The following SULT1B1 variants were observed in gnomAD, a reference collection of about 807,000 sequenced individuals.
The protein encoded by SULT1B1 is sulfotransferase family 1B member 1.
Under a neutral mutation model 34.6 loss-of-function variants are expected in SULT1B1, and 28 were observed. The observed-to-expected ratio is 0.81, with a 90% CI of 0.60 to 1.11. The LOEUF is 1.11. Among genes scored for constraint, SULT1B1 ranks in the 50% least tolerant of loss-of-function variants. The pLI is 0.00. For missense variants in SULT1B1, 374 were observed against 352.2 expected (o/e 1.06, Z -0.50); for synonymous variants, 147 against 110.2 (o/e 1.33, Z -2.09).
intron 1 of SULT1B1, chr4:69,758,383 T>C (rs1195708637): frequency 1.0e-6 from 1 of 985,212 alleles, no homozygotes; most frequent in East Asian, 1.1e-4. Flanking sequence ...GAAGTCAACA[T>C]AGTACATTCA....
At chr4:69,758,304 C>A in intron 1 of SULT1B1, 1 of 985,146 alleles carries the variant, frequency 1.0e-6, no homozygotes, top group Non-Finnish European at 1.2e-6. Context: ...CACTTCTCAC[C>A]CAGAATCTTT....
chr4:69,727,169 G>A lies in SULT1B1; in HGVS notation c.810C>T (p.Thr270=), dbSNP rs780153506. The change falls in exon 8 of 8, where the codon ACC becomes ACT. Residue 270 remains threonine (T), a synonymous_variant. Transcript: ENST00000310613. ...CATCAAATTTCTCATTTTGGGCCAC[G>A]GTGAAGTAATTCTTCCAGTCACCAG... is the stretch of plus-strand genomic sequence containing the variant. The part of the protein sequence containing the change: ...GTAGDWKNYF[T]VAQNEKFDAI... 23 of 1,610,238 alleles carry A rather than the reference G, an allele frequency of 1.4e-5. No individual in the cohort carries two copies. Among genetic ancestry groups the A allele is most frequent in the African/African-American group, 2.7e-5 (2 of 74,534 alleles).
rs148754872 is a variant in SULT1B1 at position 69,732,084 on chromosome 4, C to T, written c.597+1329G>A. 1.1e-3 allele frequency among the ~76,000 whole-genome samples: 174 copies of T among 152,288 alleles called. 1 individual carries two copies. The highest frequency in any genetic ancestry group is 3.8e-3 in the African/African-American group (157 of 41,560). On this transcript the variant is annotated intron_variant, in intron 6 of 7. Transcript: ENST00000310613. ...TTATGAGGAATTTATAACTTACCTC[C>T]GGCTAAACAAACTCTCAAGAGACAT...
At chr4:69,751,699 G>T (rs1377377984) in intron 3 of SULT1B1, among the ~76,000 whole-genome samples, 1 of 152,114 alleles carries the variant, frequency 6.6e-6, no homozygotes, top group Non-Finnish European at 1.5e-5. Context: ...TGATCCACCC[G>T]CCTCGACCTC....
At chr4:69,740,674 A>G (rs1315790457) in intron 4 of SULT1B1, among the ~76,000 whole-genome samples, 1 of 152,230 alleles carries the variant, frequency 6.6e-6, no homozygotes, top group Admixed American at 6.5e-5. Flanking sequence ...ATATGCCTTC[A>G]GGTAACTACT....
chr4:69,731,326 A>T (rs547596072), intron 6 of SULT1B1, among the ~76,000 whole-genome samples: 1 of 152,356 alleles, frequency 6.6e-6, no homozygotes, highest in African/African-American at 2.4e-5. Context: ...ATGAGAATCT[A>T]ACTAATGCCC....
chr4:69,730,379 A>T lies in SULT1B1; in HGVS notation c.778+122T>A, dbSNP rs552680650. ...TTGAATCTCAGCAACTTTTGGTGGT[A>T]GGTATTTGCTATAAAGCTTAAACAG... On this transcript the variant is annotated intron_variant, in intron 7 of 7. Coordinates refer to ENST00000310613, the MANE Select transcript of SULT1B1 (RefSeq NM_014465.4). The T allele has an allele frequency of 8.0e-5, 60 of 746,128 alleles. No individual in the cohort carries two copies. In the South Asian group the frequency reaches 1.8e-3, roughly 22 times the overall value. The allele number at this position is 746,128 out of a possible 1,614,324, so 46.2% of individuals were successfully genotyped here.
In SULT1B1 at chr4:69,722,861, A is replaced by C. The variant is rs1320331397; in HGVS notation, c.*4227T>G. ...CAGTATGTCCAAAACCACCACCCCC[A>C]CCCCTTTCAGAACAAGTAAGGGCCC... On this transcript the variant is annotated 3_prime_UTR_variant, in exon 8 of 8. Coordinates refer to ENST00000310613, the MANE Select transcript of SULT1B1 (RefSeq NM_014465.4). The C allele has an allele frequency of 6.6e-6, 1 of 151,216 alleles. No homozygotes were observed. Among genetic ancestry groups the C allele is most frequent in the African/African-American group, 2.4e-5 (1 of 41,078 alleles). 9.4% of individuals were successfully genotyped at this position (151,216 alleles called of 1,614,324 possible). A position where few individuals can be genotyped will look rare whatever the true frequency, so the allele number is the denominator to read the frequency against.
At chr4:69,735,216 ATG>A in intron 4 of SULT1B1, among the ~76,000 whole-genome samples, 1 of 152,318 alleles carries the variant, frequency 6.6e-6, no homozygotes, top group Admixed American at 6.5e-5. Flanking sequence ...AGTAATGCCA[ATG>A]TGGTGAGTTC....
intron 4 of SULT1B1, among the ~76,000 whole-genome samples, chr4:69,746,055 G>A (rs1325468400): frequency 6.6e-6 from 1 of 152,158 alleles, no homozygotes; most frequent in African/African-American, 2.4e-5. Flanking sequence ...CAACTTGTAA[G>A]ATTTCTGCTG....
chr4:69,736,838 G>C (rs1388610150), intron 4 of SULT1B1, among the ~76,000 whole-genome samples: 1 of 151,864 alleles, frequency 6.6e-6, no homozygotes, highest in Non-Finnish European at 1.5e-5. Context: ...AGACAATAAA[G>C]AGAAACTTAG....
At chr4:69,757,253 AT>A (rs1719226988) in intron 1 of SULT1B1, among the ~76,000 whole-genome samples, 1 of 152,170 alleles carries the variant, frequency 6.6e-6, no homozygotes, top group South Asian at 2.1e-4. Context: ...AACATATAAC[AT>A]GTTTACTATT....
At chr4:69,739,528 T>C (rs530588437) in intron 4 of SULT1B1, among the ~76,000 whole-genome samples, 2 of 152,236 alleles carry the variant, frequency 1.3e-5, no homozygotes, top group Non-Finnish European at 2.9e-5. Context: ...GTCCCTAGAC[T>C]GCACATAGCA....
intron 3 of SULT1B1, among the ~76,000 whole-genome samples, chr4:69,752,867 T>C (rs185891031): frequency 9.8e-5 from 15 of 152,372 alleles, no homozygotes; most frequent in African/African-American, 3.6e-4. Context: ...CAAGCTTCAC[T>C]TCTTGAATAC....
rs1189487659 is a variant in SULT1B1, at chr4:69,723,548, CA to C, written c.*3539del. 1 of 152,154 alleles carries C rather than the reference CA, an allele frequency of 6.6e-6. No homozygotes were observed. Among genetic ancestry groups the C allele is most frequent in the Non-Finnish European group, 1.5e-5 (1 of 68,084 alleles). The allele number at this position is 152,154 out of a possible 1,614,324, so 9.4% of individuals were successfully genotyped here. On this transcript the variant is annotated 3_prime_UTR_variant, in exon 8 of 8. Transcript: ENST00000310613. Reference sequence around the variant, plus strand: ...TATGAGGCCAGCATCATCCTGATACCAAAGCCTGGCAGAGACACAACAAAAA... The same window carrying C: ...TATGAGGCCAGCATCATCCTGATACCAAGCCTGGCAGAGACACAACAAAAA...
At chr4:69,735,376 C>A (rs1375237232) in intron 4 of SULT1B1, among the ~76,000 whole-genome samples, 1 of 152,186 alleles carries the variant, frequency 6.6e-6, no homozygotes, top group Admixed American at 6.5e-5. Context: ...AAAGAGGAAG[C>A]CCAACAGAGA....
At chr4:69,754,021 G>A (rs1719089974) in intron 3 of SULT1B1, among the ~76,000 whole-genome samples, 1 of 152,090 alleles carries the variant, frequency 6.6e-6, no homozygotes, top group Non-Finnish European at 1.5e-5. Context: ...TTTGTGAATT[G>A]TCCTTTGCTC....
At chr4:69,751,984 A>G (rs1243937072) in intron 3 of SULT1B1, among the ~76,000 whole-genome samples, 1 of 152,244 alleles carries the variant, frequency 6.6e-6, no homozygotes, top group African/African-American at 2.4e-5. Flanking sequence ...TTGCCCCAGC[A>G]TAATCCCTCA....
chr4:69,741,125 C>T (rs1280781638), intron 4 of SULT1B1, among the ~76,000 whole-genome samples: 3 of 152,172 alleles, frequency 2.0e-5, no homozygotes, highest in Non-Finnish European at 4.4e-5. Context: ...ATCACAGCAT[C>T]ATTGATTGAA....
Sources: gnomAD v4.1 joint callset for allele counts (sites outside exome capture counted in the v4.1 genomes callset) on GRCh38, gnomAD v4.1.1 for gene constraint, MANE v1.5 for transcripts, NCBI Gene and HGNC (gene_info 2026-07-23, HGNC 2026-07-21) for gene names.